The following ADGRV1 variants were observed in gnomAD, a reference collection of about 807,000 sequenced individuals.
ADGRV1 encodes G-protein coupled receptor 98.
ADGRV1 carries 359 observed loss-of-function variants against 596.2 expected under a neutral mutation model. The ratio of observed to expected loss-of-function variants is 0.60; its 90% CI spans 0.55 to 0.66. ADGRV1 has a LOEUF of 0.66. ADGRV1 is among the 30% of genes least tolerant of loss of function. ADGRV1 has a pLI of 0.00. For missense variants in ADGRV1, 7,274 were observed against 7,575.6 expected (o/e 0.96, Z 1.48); for synonymous variants, 2,681 against 2,679.2 (o/e 1.00, Z -0.02).
chr5:90,647,324 A>G (rs953271231), intron 16 of ADGRV1, among the ~76,000 whole-genome samples, 174 bp from the exon 17 acceptor site: 1 of 152,224 alleles, frequency 6.6e-6, no homozygotes, highest in African/African-American at 2.4e-5. Flanking sequence ...ATGGCCATTG[A>G]CTGTTGAAAT....
intron 83 of ADGRV1, among the ~76,000 whole-genome samples, chr5:90,945,651 A>G (rs1452836174): frequency 6.6e-6 from 1 of 152,206 alleles, no homozygotes; most frequent in Admixed American, 6.5e-5. Context: ...ACCTACTCTG[A>G]TGCAGAGCTT....
At position 90,676,147 on chromosome 5, in the gene ADGRV1, A is replaced by G. The variant is rs747001128; in HGVS notation, c.5381A>G (p.Asp1794Gly). 65 of 1,606,932 alleles carry G rather than the reference A, an allele frequency of 4.0e-5. No individual in the cohort carries two copies. The highest frequency in any genetic ancestry group is 5.4e-5 in the Non-Finnish European group (63 of 1,175,624). ...RYKYIFINIT[D>G]NSIPELEKSF... is the part of the protein sequence containing the mutation. ...AAATACATTTTCATAAACATCACTG[A>G]TAATTCTATTCCTGAACTGGAAAAA... Residue 1794 changes from aspartate (D) to glycine (G), a missense_variant, in exon 25 of 90, where the codon GAT becomes GGT. Asp to Gly is a moderately conservative substitution (Grantham distance 94). Around this residue, in one of 5 missense-constraint regions of ADGRV1, gnomAD observed 3,643 missense variants for 3,809.2 expected, o/e 0.96. Coordinates refer to ENST00000405460, the MANE Select transcript of ADGRV1 (RefSeq NM_032119.4).
chr5:91,093,551 A>G (rs1042713125), intron 86 of ADGRV1, among the ~76,000 whole-genome samples: 2 of 152,242 alleles, frequency 1.3e-5, no homozygotes, highest in Non-Finnish European at 2.9e-5. Flanking sequence ...CTGGGAATAT[A>G]AAGATAAGTA....
chr5:90,573,382 A>G (rs1469497248), intron 1 of ADGRV1, among the ~76,000 whole-genome samples: 1 of 152,194 alleles, frequency 6.6e-6, no homozygotes, highest in African/African-American at 2.4e-5. Context: ...TGCAAACATC[A>G]TAGAGTGTAC....
At chr5:90,913,890 C>T (rs1210193440) in intron 83 of ADGRV1, among the ~76,000 whole-genome samples, 2 of 152,130 alleles carry the variant, frequency 1.3e-5, no homozygotes, top group African/African-American at 4.8e-5. Flanking sequence ...TGTCCTGCCT[C>T]AACATCATAA....
chr5:90,860,425 C>T (rs749560142), intron 82 of ADGRV1, among the ~76,000 whole-genome samples: 2 of 151,950 alleles, frequency 1.3e-5, no homozygotes, highest in Non-Finnish European at 2.9e-5. Flanking sequence ...CTCAGCCTCT[C>T]GAGTAGCTGG....
intron 42 of ADGRV1, among the ~76,000 whole-genome samples, 190 bp from the exon 43 acceptor site, chr5:90,716,277 A>AT (rs1750098248): frequency 6.6e-6 from 1 of 152,154 alleles, no homozygotes; most frequent in Non-Finnish European, 1.5e-5. Context: ...ATTACTGAGT[A>AT]TTTTTCTATC....
rs574418869 is a variant in ADGRV1 at position 90,823,808 on chromosome 5, AT to A, written c.16368+219del. Among the ~76,000 whole-genome samples the A allele has an allele frequency of 1.3e-3, 194 of 152,084 alleles. 4 individuals carry two copies. The East Asian group carries it at 0.021, about 17-fold the overall frequency. On this transcript the variant is annotated intron_variant, in intron 76 of 89. Transcript: ENST00000405460. ...TTGTAAATAAACTTGTCATTTTTCT[AT>A]TTTTTTGTTTCTTGCCATTCTAAAA...
At chr5:91,074,130 CTTT>C (rs1307046026) in intron 86 of ADGRV1, among the ~76,000 whole-genome samples, 1 of 152,080 alleles carries the variant, frequency 6.6e-6, no homozygotes, top group Non-Finnish European at 1.5e-5. Context: ...TTTTAATACT[CTTT>C]ATTTTTTAAA....
intron 1 of ADGRV1, among the ~76,000 whole-genome samples, chr5:90,598,224 T>C (rs1280028919): frequency 6.6e-6 from 1 of 152,228 alleles, no homozygotes; most frequent in Non-Finnish European, 1.5e-5. Context: ...GCCTGGCAGA[T>C]AGTAGAGACT....
At chr5:90,833,337 T>C (rs1441218149) in intron 77 of ADGRV1, among the ~76,000 whole-genome samples, 1 of 152,158 alleles carries the variant, frequency 6.6e-6, no homozygotes, top group Non-Finnish European at 1.5e-5. Context: ...CAGGCTGGAG[T>C]GCTGTGGTGT....
intron 82 of ADGRV1, 71 bp from the exon 83 acceptor site, chr5:90,863,686 G>T (rs953282433): frequency 2.6e-6 from 3 of 1,170,942 alleles, no homozygotes; most frequent in East Asian, 2.4e-5. Context: ...TGCCCCCAAA[G>T]ATTCTTGCTA....
chr5:91,065,853 G>A (rs1787837878), intron 85 of ADGRV1, among the ~76,000 whole-genome samples: 1 of 152,124 alleles, frequency 6.6e-6, no homozygotes, highest in African/African-American at 2.4e-5. Flanking sequence ...GTTTCATCTG[G>A]CGAAATATAG....
chr5:90,696,781 A>G (rs1377344661), intron 33 of ADGRV1, among the ~76,000 whole-genome samples, 156 bp from the exon 34 acceptor site: 1 of 151,370 alleles, frequency 6.6e-6, no homozygotes, highest in East Asian at 1.9e-4. Flanking sequence ...TATATATATA[A>G]TTAAAATTTG....
intron 86 of ADGRV1, among the ~76,000 whole-genome samples, chr5:91,092,002 A>G (rs904658690): frequency 6.6e-6 from 1 of 152,234 alleles, no homozygotes; most frequent in African/African-American, 2.4e-5. Flanking sequence ...GACCCATAAA[A>G]GTAACCATCA....
intron 83 of ADGRV1, among the ~76,000 whole-genome samples, chr5:90,961,673 C>T (rs1304597524): frequency 6.6e-6 from 1 of 152,032 alleles, no homozygotes. Flanking sequence ...CAAGCGGGGA[C>T]ACATGCTGTA....
chr5:90,643,001 T>C lies in ADGRV1; in HGVS notation c.2513T>C (p.Ile838Thr). 6.2e-7 allele frequency: 1 copy of C among 1,613,492 alleles called. No individual in the cohort carries two copies. The change falls in exon 13 of 90, where the codon ATA becomes ACA. Residue 838 changes from isoleucine to threonine, a missense_variant. By Grantham distance (89) the Ile-to-Thr change is moderately conservative. Around this residue, in one of 5 missense-constraint regions of ADGRV1, gnomAD observed 1,715 missense variants for 1,708.8 expected, o/e 1.00. Coordinates refer to ENST00000405460, the MANE Select transcript of ADGRV1 (RefSeq NM_032119.4). ...VLEFKPGERE[I>T]VITLLARLDG... is the part of the protein sequence containing the mutation. ...GAATTTAAACCTGGAGAAAGGGAGATAGTGATCACCTTGCTAGCAAGATTG... is the reference window on the plus strand; with the variant it reads ...GAATTTAAACCTGGAGAAAGGGAGACAGTGATCACCTTGCTAGCAAGATTG...
intron 28 of ADGRV1, among the ~76,000 whole-genome samples, chr5:90,684,859 C>T (rs981239468): frequency 1.1e-4 from 16 of 152,010 alleles, no homozygotes; most frequent in East Asian, 1.9e-4. Flanking sequence ...AAGAATGGGC[C>T]GTGCAGAACA....
intron 83 of ADGRV1, among the ~76,000 whole-genome samples, chr5:90,943,146 T>G (rs1365309751): frequency 1.4e-5 from 2 of 145,806 alleles, no homozygotes; most frequent in Non-Finnish European, 3.0e-5. Context: ...AAGTATTTTT[T>G]GTCCACAATA....
Sources: allele counts gnomAD v4.1 joint callset (sites outside exome capture counted in the v4.1 genomes callset), GRCh38; gene constraint gnomAD v4.1.1; regional missense constraint gnomAD v4.1.1; transcripts MANE v1.5; gene names NCBI Gene and HGNC (gene_info 2026-07-23, HGNC 2026-07-21).